Variants in GRIA3 observed in about 807,000 individuals in gnomAD.
The protein encoded by GRIA3 is glutamate ionotropic receptor AMPA type subunit 3.
In GRIA3, 3 loss-of-function variants were observed where a neutral mutation model predicts 63.0. That is an observed-to-expected ratio of 0.05 (90% CI 0.02 to 0.12). GRIA3 has a LOEUF of 0.12. Ranked by LOEUF, GRIA3 falls within the 10% of genes least tolerant of loss-of-function variation. The pLI, the probability that GRIA3 is intolerant of heterozygous loss-of-function variation, is 1.00. For missense variants in GRIA3, 347 were observed against 700.9 expected (o/e 0.50, Z 5.70); for synonymous variants, 274 against 257.9 (o/e 1.06, Z -0.60).
At chrX:123,468,518 C>T (rs2045846301) in intron 13 of GRIA3, among the ~76,000 whole-genome samples, 1 of 112,220 alleles carries the variant, frequency 8.9e-6, no homozygotes, top group Non-Finnish European at 1.9e-5. Flanking sequence ...GTTAGAAGCA[C>T]TTATTAGATA....
At chrX:123,229,040 CTG>C (rs200262264) in intron 2 of GRIA3, among the ~76,000 whole-genome samples, 2,573 of 111,892 alleles carry the variant, frequency 0.023, 75 homozygotes, top group African/African-American at 0.08. Flanking sequence ...GCTAGAAACT[CTG>C]TGTTCAACAC....
intron 13 of GRIA3, among the ~76,000 whole-genome samples, chrX:123,478,067 A>T (rs1003428129): frequency 1.8e-5 from 2 of 111,762 alleles, no homozygotes; most frequent in Non-Finnish European, 3.8e-5. Context: ...TCCTGAGCTA[A>T]TTGCCACATT....
chrX:123,212,283 TA>T (rs752298275), intron 2 of GRIA3, among the ~76,000 whole-genome samples: 27 of 108,373 alleles, frequency 2.5e-4, no homozygotes, highest in South Asian at 1.6e-3. Flanking sequence ...TATAAAATGC[TA>T]AAAAAAAAAT....
intron 2 of GRIA3, among the ~76,000 whole-genome samples, chrX:123,218,762 C>A (rs1213525556): frequency 1.8e-5 from 2 of 111,124 alleles, no homozygotes; most frequent in Non-Finnish European, 1.9e-5. Flanking sequence ...CTCTCTACAC[C>A]CCTATCATTG....
intron 4 of GRIA3, among the ~76,000 whole-genome samples, chrX:123,329,061 G>A (rs2044924173): frequency 8.9e-6 from 1 of 111,732 alleles, no homozygotes; most frequent in Non-Finnish European, 1.9e-5. Flanking sequence ...TGATTGGAAT[G>A]ATAGCATTTA....
chrX:123,430,952 C>T (rs753608512), intron 12 of GRIA3, among the ~76,000 whole-genome samples: 1 of 110,388 alleles, frequency 9.1e-6, no homozygotes, highest in Non-Finnish European at 1.9e-5. Context: ...CACAACACTA[C>T]AGCCTGGCAA....
chrX:123,460,042 A>G (rs2045784135), intron 12 of GRIA3, among the ~76,000 whole-genome samples: 1 of 111,908 alleles, frequency 8.9e-6, no homozygotes, highest in Admixed American at 9.5e-5. Context: ...CATTTAATGC[A>G]TTCATTAATA....
intron 3 of GRIA3, among the ~76,000 whole-genome samples, chrX:123,294,793 A>G (rs1291672231): frequency 2.7e-5 from 3 of 111,609 alleles, no homozygotes; most frequent in African/African-American, 9.7e-5. Flanking sequence ...CAGCCTCTCC[A>G]TATAATCAAA....
intron 2 of GRIA3, among the ~76,000 whole-genome samples, chrX:123,217,285 G>T (rs1221225497): frequency 1.8e-5 from 2 of 111,171 alleles, no homozygotes; most frequent in Admixed American, 9.5e-5. Flanking sequence ...CTCTCGTAAG[G>T]CAGCCAAGGA....
chrX:123,323,399 T>C (rs1380017924), intron 3 of GRIA3, among the ~76,000 whole-genome samples: 1 of 112,353 alleles, frequency 8.9e-6, no homozygotes, highest in Non-Finnish European at 1.9e-5. Flanking sequence ...TAGTATTCTA[T>C]GCGTATTTAC....
At chrX:123,266,128 T>C (rs902341526) in intron 3 of GRIA3, among the ~76,000 whole-genome samples, 1 of 112,128 alleles carries the variant, frequency 8.9e-6, no homozygotes, top group African/African-American at 3.2e-5. Flanking sequence ...TCAAAAATGA[T>C]ATGAATTTCT....
At chrX:123,479,753 G>A (rs977205521) in intron 13 of GRIA3, among the ~76,000 whole-genome samples, 1 of 112,043 alleles carries the variant, frequency 8.9e-6, no homozygotes, top group Non-Finnish European at 1.9e-5. Flanking sequence ...AGCTGCCGCC[G>A]ACGATTGTCA....
At chrX:123,388,117 G>C (rs192688962) in intron 5 of GRIA3, among the ~76,000 whole-genome samples, 1 of 111,916 alleles carries the variant, frequency 8.9e-6, no homozygotes, top group Admixed American at 9.4e-5. Flanking sequence ...CTCATTATTG[G>C]TCTGTTTAGG....
At chrX:123,379,620 G>GTT (rs369507360) in intron 5 of GRIA3, among the ~76,000 whole-genome samples, 1,455 of 67,833 alleles carry the variant, frequency 0.021, 45 homozygotes, top group Admixed American at 0.059. Context: ...CTAGCAACTT[G>GTT]TTTTTTTTTT....
At chrX:123,333,022 G>T (rs2044951808) in intron 4 of GRIA3, among the ~76,000 whole-genome samples, 1 of 110,935 alleles carries the variant, frequency 9.0e-6, no homozygotes, top group African/African-American at 3.3e-5. Flanking sequence ...TTTTATGGTG[G>T]GTTGGGTACT....
chrX:123,200,590 T>TAC (rs1386567614), intron 2 of GRIA3, among the ~76,000 whole-genome samples: 1 of 82,548 alleles, frequency 1.2e-5, no homozygotes, highest in Non-Finnish European at 2.4e-5. Flanking sequence ...TATATACATA[T>TAC]ACACACACAC....
At chrX:123,204,422 TG>T (rs1448302764) in intron 2 of GRIA3, 1 of 1,160,048 alleles carries the variant, frequency 8.6e-7, no homozygotes, top group African/African-American at 1.8e-5. Flanking sequence ...AACTGTAAGA[TG>T]AGAACAAGAT....
intron 2 of GRIA3, among the ~76,000 whole-genome samples, chrX:123,231,488 T>C (rs1293351513): frequency 9.0e-6 from 1 of 111,630 alleles, no homozygotes; most frequent in Non-Finnish European, 1.9e-5. Flanking sequence ...CTACGATTGG[T>C]CCCTATCCCT....
At chrX:123,377,101 ATT>A (rs1311259822) in intron 5 of GRIA3, among the ~76,000 whole-genome samples, 2 of 108,977 alleles carry the variant, frequency 1.8e-5, no homozygotes, top group South Asian at 4.0e-4. Context: ...TGCCCGGCTA[ATT>A]TTTTTTATAT....
Sources: allele counts gnomAD v4.1 joint callset (sites outside exome capture counted in the v4.1 genomes callset), GRCh38; gene constraint gnomAD v4.1.1; transcripts MANE v1.5; gene names NCBI Gene and HGNC (gene_info 2026-07-23, HGNC 2026-07-21).